Variants in MTHFD1L observed in about 807,000 individuals in gnomAD.
MTHFD1L encodes the protein methylenetetrahydrofolate dehydrogenase (NADP+ dependent) 1 like, also known as monofunctional C1-tetrahydrofolate synthase, mitochondrial.
MTHFD1L carries 81 observed loss-of-function variants against 119.5 expected under a neutral mutation model. The ratio of observed to expected loss-of-function variants is 0.68; its 90% confidence interval spans 0.57 to 0.82. The LOEUF is 0.82. Ranked by LOEUF, MTHFD1L falls within the 40% of genes least tolerant of loss-of-function variation. MTHFD1L has a pLI of 0.00. For synonymous variants in MTHFD1L, 430 were observed against 475.2 expected (o/e 0.90, Z 1.24); for missense variants, 1,125 against 1,253.4 (o/e 0.90, Z 1.55).
intron 8 of MTHFD1L, among the ~76,000 whole-genome samples, chr6:150,906,843 A>C (rs1382139028): frequency 1.3e-5 from 2 of 152,154 alleles, no homozygotes; most frequent in African/African-American, 4.8e-5. Flanking sequence ...GAATTGACCG[A>C]TCAGATTAAA....
Position 151,092,515 on chromosome 6 carries a change from G to C in MTHFD1L, c.2896G>C (p.Asp966His). Reference protein sequence around the residue: ...LPTRPCFYDIDLDTETEQVKG... With the variant: ...LPTRPCFYDIHLDTETEQVKG... ...CACCCGGCCCTGCTTTTATGACATAGATCTTGATACCGAAACAGAACAAGT... is the reference window on the plus strand; with the variant it reads ...CACCCGGCCCTGCTTTTATGACATACATCTTGATACCGAAACAGAACAAGT... The change falls in exon 27 of 28, where the codon GAT (aspartate) becomes CAT (histidine). Residue 966 changes from aspartate to histidine, a missense_variant. By Grantham distance (81) the Asp-to-His change is moderately conservative. This residue lies in a region of MTHFD1L where 61 missense variants were observed against 78.9 expected (regional missense o/e 0.77). Transcript: ENST00000367321. 2 of 1,614,150 alleles carry C rather than the reference G, an allele frequency of 1.2e-6. No individual in the cohort carries two copies. The highest frequency in any genetic ancestry group is 1.7e-6 in the Non-Finnish European group (2 of 1,180,030).
intron 20 of MTHFD1L, among the ~76,000 whole-genome samples, chr6:150,997,549 G>A (rs760313505): frequency 6.6e-6 from 1 of 152,118 alleles, no homozygotes; most frequent in Non-Finnish European, 1.5e-5. Flanking sequence ...AGCACTTTGG[G>A]AGGCCAAGGC....
intron 11 of MTHFD1L, among the ~76,000 whole-genome samples, chr6:150,927,947 A>G (rs1218174047): frequency 1.3e-5 from 2 of 152,120 alleles, no homozygotes; most frequent in Non-Finnish European, 2.9e-5. Context: ...TTGAACATAG[A>G]ATAGGGATGT....
Position 150,988,817 on chromosome 6 carries a change from G to T in MTHFD1L, c.2125+16759G>T, listed in dbSNP as rs1026717739. On this transcript the variant is annotated intron_variant, in intron 20 of 27. Transcript: ENST00000367321. ...GGTGGGGTTTCTCCATGTTGGTCAG[G>T]CTGGTCTCGAACTCCTGACCTCAGG... Among the ~76,000 whole-genome samples the T allele has an allele frequency of 2.6e-5, 4 of 152,124 alleles. No individual in the cohort carries two copies. In the East Asian group the frequency reaches 7.7e-4, roughly 29 times the overall value.
rs143038472 is a variant in MTHFD1L, at chr6:151,056,706, GGA to G, written c.2847+19590_2847+19591del. Reference sequence around the variant, plus strand: ...TGTTCTCTCACCTGCCATCCCCTCTGGAAAGCTCACAGAGAGGGTTTCCTGGG... The same window carrying G: ...TGTTCTCTCACCTGCCATCCCCTCTGAAGCTCACAGAGAGGGTTTCCTGGG... On this transcript the variant is annotated intron_variant, in intron 26 of 27. Transcript: ENST00000367321. 2.7e-3 allele frequency among the ~76,000 whole-genome samples: 412 copies of G among 152,244 alleles called. 1 individual carries two copies. Among genetic ancestry groups the G allele is most frequent in the African/African-American group, 9.5e-3 (396 of 41,540 alleles).
chr6:151,092,512 A>G lies in MTHFD1L; in HGVS notation c.2893A>G (p.Ile965Val), dbSNP rs1294227682. The G allele has an allele frequency of 6.2e-7, 1 of 1,614,148 alleles. No individual in the cohort carries two copies. Among genetic ancestry groups the G allele is most frequent in the South Asian group, 1.1e-5 (1 of 91,076 alleles). ...GLPTRPCFYD[I>V]DLDTETEQVK... ...GCCCACCCGGCCCTGCTTTTATGACATAGATCTTGATACCGAAACAGAACA... is the reference window on the plus strand; with the variant it reads ...GCCCACCCGGCCCTGCTTTTATGACGTAGATCTTGATACCGAAACAGAACA... The change falls in exon 27 of 28, where the codon ATA (isoleucine) becomes GTA (valine). Residue 965 changes from isoleucine to valine, a missense_variant. By Grantham distance (29) the Ile-to-Val change is conservative. Transcript: ENST00000367321.
chr6:151,049,479 G>C (rs1177495553), intron 26 of MTHFD1L, among the ~76,000 whole-genome samples: 1 of 141,408 alleles, frequency 7.1e-6, no homozygotes, highest in South Asian at 2.4e-4. Flanking sequence ...GCAAGACAGC[G>C]AGACTCCGTC....
chr6:151,090,844 G>A (rs1415885196), intron 26 of MTHFD1L, among the ~76,000 whole-genome samples: 16 of 145,074 alleles, frequency 1.1e-4, no homozygotes, highest in South Asian at 4.2e-4. Flanking sequence ...GTGCAGCATC[G>A]CTCCATGTGA....
At chr6:150,886,902 A>G (rs983488987) in intron 6 of MTHFD1L, among the ~76,000 whole-genome samples, 3 of 151,422 alleles carry the variant, frequency 2.0e-5, no homozygotes, top group African/African-American at 7.3e-5. Flanking sequence ...AGGCTGAGGT[A>G]GGAGAATGGC....
At chr6:151,054,484 C>T (rs139972162) in intron 26 of MTHFD1L, among the ~76,000 whole-genome samples, 75 of 152,278 alleles carry the variant, frequency 4.9e-4, no homozygotes, top group African/African-American at 1.6e-3. Flanking sequence ...CCGAAGTGCA[C>T]GAGTCCCCTT....
At chr6:151,046,461 ATGTGTGTG>A (rs1252724025) in intron 26 of MTHFD1L, among the ~76,000 whole-genome samples, 2 of 71,666 alleles carry the variant, frequency 2.8e-5, no homozygotes, top group African/African-American at 4.3e-5. Context: ...TATATATAAT[ATGTGTGTG>A]TGTATATATA....
chr6:150,897,391 G>T (rs1313528497), intron 7 of MTHFD1L, among the ~76,000 whole-genome samples: 4 of 152,182 alleles, frequency 2.6e-5, no homozygotes, highest in Non-Finnish European at 5.9e-5. Context: ...GTCTGAACAT[G>T]GAATGTATTT....
At chr6:150,939,721 G>A (rs916408566) in intron 13 of MTHFD1L, among the ~76,000 whole-genome samples, 1 of 87,848 alleles carries the variant, frequency 1.1e-5, no homozygotes, top group African/African-American at 5.3e-5. Context: ...GTTTTGCTTT[G>A]TTGCTCAGGC....
intron 9 of MTHFD1L, among the ~76,000 whole-genome samples, chr6:150,919,757 A>G (rs1303952414): frequency 1.3e-5 from 2 of 152,206 alleles, no homozygotes; most frequent in African/African-American, 4.8e-5. Flanking sequence ...CTAAACCATC[A>G]TGAGAAACTA....
intron 7 of MTHFD1L, among the ~76,000 whole-genome samples, chr6:150,896,058 G>C (rs1342893927): frequency 1.3e-5 from 2 of 152,126 alleles, no homozygotes; most frequent in East Asian, 3.9e-4. Context: ...GGCTTAGAGA[G>C]GAGACTTTGC....
intron 26 of MTHFD1L, among the ~76,000 whole-genome samples, chr6:151,050,497 C>T (rs1788849897): frequency 6.6e-6 from 1 of 152,214 alleles, no homozygotes; most frequent in Admixed American, 6.5e-5. Context: ...AAATGTTAAG[C>T]ATGTGTTTCC....
intron 4 of MTHFD1L, among the ~76,000 whole-genome samples, chr6:150,880,116 G>C (rs947141059): frequency 6.6e-6 from 1 of 152,122 alleles, no homozygotes; most frequent in African/African-American, 2.4e-5. Flanking sequence ...TAGCTTTCAA[G>C]ATCTTTTCTA....
chr6:151,100,035 T>TA, intron 27 of MTHFD1L: 1 of 163,558 alleles, frequency 6.1e-6, no homozygotes, highest in Non-Finnish European at 1.2e-5. Flanking sequence ...CTTTCTTTTC[T>TA]TTTTTTTTTT....
chr6:151,034,081 T>TGA (rs1427102779), intron 24 of MTHFD1L, among the ~76,000 whole-genome samples: 2 of 151,760 alleles, frequency 1.3e-5, no homozygotes, highest in African/African-American at 4.8e-5. Context: ...CTCAGGAGGC[T>TGA]GAGATGGGAG....
Sources: allele counts gnomAD v4.1 joint callset (sites outside exome capture counted in the v4.1 genomes callset), GRCh38; gene constraint gnomAD v4.1.1; regional missense constraint gnomAD v4.1.1; transcripts MANE v1.5; gene names NCBI Gene and HGNC (gene_info 2026-07-23, HGNC 2026-07-21).